NXN: variants seen among roughly 807,000 people sequenced by gnomAD.
The protein encoded by NXN is nucleoredoxin 1.
NXN carries 16 observed loss-of-function variants against 48.6 expected under a neutral mutation model. That is an observed-to-expected ratio of 0.33 (90% CI 0.22 to 0.50). NXN has a LOEUF of 0.50. NXN is among the 20% of genes least tolerant of loss of function. NXN has a pLI of 0.98. For synonymous variants in NXN, 281 were observed against 269.6 expected, an observed-to-expected ratio of 1.04 and a Z score of -0.41; for missense variants, 492 against 605.5, an observed-to-expected ratio of 0.81 and a Z score of 1.97.
rs1328788831 is a variant in NXN, at chr17:849,732, T to A, written c.361-23654A>T. Among the ~76,000 whole-genome samples, 1 of 151,860 alleles carries A rather than the reference T, an allele frequency of 6.6e-6. No homozygotes were observed. The highest frequency in any genetic ancestry group is 1.5e-5 in the Non-Finnish European group (1 of 67,980). Reference sequence around the variant, plus strand: ...GCAGGATGCAGAGCAGGTAGAGGAGTGCTGAAGAGCTGACAGTGGAGGTGA... The same window carrying A: ...GCAGGATGCAGAGCAGGTAGAGGAGAGCTGAAGAGCTGACAGTGGAGGTGA... On this transcript the variant is annotated intron_variant, in intron 1 of 7. Coordinates refer to ENST00000336868, the MANE Select transcript of NXN (RefSeq NM_022463.5). The surrounding 1 kb of genome is among the most constrained non-coding windows in gnomAD (Gnocchi z 4.2).
rs749384404 is a variant in NXN, at chr17:917,233, G to A, written c.360+62086C>T. Among the ~76,000 whole-genome samples, 8 of 151,496 alleles carry A rather than the reference G, an allele frequency of 5.3e-5. No individual in the cohort carries two copies. The highest frequency in any genetic ancestry group is 2.1e-4 in the South Asian group (1 of 4,802). On this transcript the variant is annotated intron_variant, in intron 1 of 7. Transcript: ENST00000336868. The surrounding 1 kb of genome is among the most constrained non-coding windows in gnomAD (Gnocchi z 4.5). ...CTCGGCTCGCCGTGGCCTCCGCCTC[G>A]CGGGTTCAAGCGATTCTCCTGCCTC...
intron 1 of NXN, among the ~76,000 whole-genome samples, chr17:856,648 G>A (rs1172697935): frequency 2.0e-5 from 3 of 151,796 alleles, no homozygotes; most frequent in Admixed American, 6.6e-5. Flanking sequence ...CCACCACCAT[G>A]CTCAGCTAAT....
intron 1 of NXN, among the ~76,000 whole-genome samples, chr17:870,072 A>G (rs1031326951): frequency 6.6e-6 from 1 of 152,122 alleles, no homozygotes; most frequent in Non-Finnish European, 1.5e-5. Flanking sequence ...CACAGTAGGT[A>G]GAAGCCAGGA....
intron 1 of NXN, among the ~76,000 whole-genome samples, chr17:936,350 G>A (rs1407262309): frequency 6.6e-6 from 1 of 151,972 alleles, no homozygotes; most frequent in Non-Finnish European, 1.5e-5. Flanking sequence ...CCCTCCCTCT[G>A]AGGCACTGCA....
intron 1 of NXN, chr17:842,470 G>A (rs534879161): frequency 4.1e-6 from 4 of 979,354 alleles, no homozygotes. Flanking sequence ...AGGCCACGTG[G>A]GTTACTGGGG....
chr17:833,036 A>G (rs573103439), intron 1 of NXN, among the ~76,000 whole-genome samples: 3 of 151,994 alleles, frequency 2.0e-5, no homozygotes, highest in South Asian at 2.1e-4. Context: ...GACTACAGGC[A>G]CCTGCCACCA....
At chr17:935,830 C>A (rs150602646) in intron 1 of NXN, among the ~76,000 whole-genome samples, 1 of 152,232 alleles carries the variant, frequency 6.6e-6, no homozygotes, top group African/African-American at 2.4e-5. Flanking sequence ...CAGTGACTCA[C>A]GCCTATAATC....
intron 1 of NXN, among the ~76,000 whole-genome samples, chr17:890,926 C>CA (rs1198145949): frequency 1.3e-5 from 2 of 152,162 alleles, no homozygotes; most frequent in Non-Finnish European, 2.9e-5. Context: ...GCTGATGCTA[C>CA]ACCACCTGCT....
intron 1 of NXN, among the ~76,000 whole-genome samples, chr17:968,642 G>A (rs1417423778): frequency 6.6e-6 from 1 of 152,152 alleles, no homozygotes; most frequent in Non-Finnish European, 1.5e-5. Context: ...TGTCCTAGAA[G>A]GAAAATGAAG....
intron 1 of NXN, among the ~76,000 whole-genome samples, chr17:897,707 A>C (rs992091166): frequency 4.6e-5 from 7 of 151,722 alleles, no homozygotes; most frequent in Non-Finnish European, 1.5e-5. Context: ...ATGGAGTCTC[A>C]CTCTGTCACC....
At chr17:892,915 T>C (rs2068438730) in intron 1 of NXN, among the ~76,000 whole-genome samples, 1 of 152,158 alleles carries the variant, frequency 6.6e-6, no homozygotes, top group Non-Finnish European at 1.5e-5. Flanking sequence ...AGCCCCTCAG[T>C]TGTAACAAAT....
Position 830,953 on chromosome 17 carries a change from C to T in NXN, c.361-4875G>A, listed in dbSNP as rs1168702193. ...AGGCGGAGGTTGCTGTGAGCCGAGACTGAGCTATTGCACTCCAGCCTGGGC... is the reference window on the plus strand; with the variant it reads ...AGGCGGAGGTTGCTGTGAGCCGAGATTGAGCTATTGCACTCCAGCCTGGGC... On this transcript the variant is annotated intron_variant, in intron 1 of 7. Coordinates refer to ENST00000336868, the MANE Select transcript of NXN (RefSeq NM_022463.5). This position sits in a 1 kb window ranked among gnomAD's most constrained non-coding sequence, Gnocchi z 4.2. Among the ~76,000 whole-genome samples, 1 of 149,290 alleles carries T rather than the reference C, an allele frequency of 6.7e-6. No individual in the cohort carries two copies. Among genetic ancestry groups the T allele is most frequent in the Non-Finnish European group, 1.5e-5 (1 of 67,724 alleles).
At chr17:925,737 C>T (rs1009996659) in intron 1 of NXN, among the ~76,000 whole-genome samples, 1 of 152,314 alleles carries the variant, frequency 6.6e-6, no homozygotes, top group African/African-American at 2.4e-5. Flanking sequence ...CCTCTCACTA[C>T]AACTCCCCAT....
intron 1 of NXN, among the ~76,000 whole-genome samples, chr17:855,146 C>A (rs1466800980): frequency 3.3e-5 from 5 of 152,052 alleles, no homozygotes; most frequent in African/African-American, 1.2e-4. Context: ...TGTGGTGGAG[C>A]AAACCGGTAG....
rs546312674 is a variant in NXN, at chr17:882,610, C to G, written c.361-56532G>C. Among the ~76,000 whole-genome samples, 108 of 152,006 alleles carry G rather than the reference C, an allele frequency of 7.1e-4. 1 individual carries two copies. The highest frequency in any genetic ancestry group is 2.5e-3 in the African/African-American group (105 of 41,448). On this transcript the variant is annotated intron_variant, in intron 1 of 7. Coordinates refer to ENST00000336868, the MANE Select transcript of NXN (RefSeq NM_022463.5). ...CCTCCCATGTAACTGGGACTTCAGG[C>G]GCCCACCACCATGCCCGGCTAATTT...
chr17:864,616 A>G (rs2068078617), intron 1 of NXN, among the ~76,000 whole-genome samples: 1 of 152,222 alleles, frequency 6.6e-6, no homozygotes, highest in African/African-American at 2.4e-5. Flanking sequence ...CTCCCTCTCC[A>G]GATAATTCTC....
At chr17:922,298 G>A (rs1159531900) in intron 1 of NXN, among the ~76,000 whole-genome samples, 1 of 152,052 alleles carries the variant, frequency 6.6e-6, no homozygotes, top group Admixed American at 6.6e-5. Context: ...AATTAGCTGG[G>A]TGTGGTGGCG....
intron 1 of NXN, among the ~76,000 whole-genome samples, chr17:837,481 C>T (rs1913889746): frequency 2.0e-5 from 3 of 152,196 alleles, no homozygotes; most frequent in Admixed American, 2.0e-4. Context: ...AGATGAACAA[C>T]AAATGAACAG....
intron 1 of NXN, among the ~76,000 whole-genome samples, chr17:937,140 G>A (rs34972034): frequency 0.07 from 10,670 of 152,046 alleles, 516 homozygotes; most frequent in Non-Finnish European, 0.11. Flanking sequence ...CCAGCACCAC[G>A]CCCGGCTGAT....
Sources: allele counts gnomAD v4.1 joint callset (sites outside exome capture counted in the v4.1 genomes callset), GRCh38; gene constraint gnomAD v4.1.1; non-coding constraint Gnocchi (gnomAD v3.1); transcripts MANE v1.5; gene names NCBI Gene and HGNC (gene_info 2026-07-23, HGNC 2026-07-21).